NEGR1: variants seen among roughly 807,000 people sequenced by gnomAD.
NEGR1 encodes the protein neuronal growth regulator 1, also known as IgLON family member 4.
NEGR1 carries 10 observed loss-of-function variants against 40.9 expected under a neutral mutation model. The ratio of observed to expected loss-of-function variants is 0.24; its 90% confidence interval spans 0.15 to 0.42. NEGR1 has a LOEUF of 0.42. NEGR1 is among the 10% of genes least tolerant of loss of function. The pLI is 1.00. For missense variants in NEGR1, 352 were observed against 438.9 expected (o/e 0.80, Z 1.77); for synonymous variants, 185 against 166.8 (o/e 1.11, Z -0.84).
chr1:71,999,387 T>TC (rs914124543), intron 1 of NEGR1, among the ~76,000 whole-genome samples: 2 of 151,644 alleles, frequency 1.3e-5, no homozygotes, highest in Admixed American at 1.3e-4. Context: ...ACATTACCTT[T>TC]CCCCACCCAT....
intron 2 of NEGR1, among the ~76,000 whole-genome samples, chr1:71,879,127 C>T (rs1316593706): frequency 7.3e-6 from 1 of 136,110 alleles, no homozygotes; most frequent in Non-Finnish European, 1.6e-5. Flanking sequence ...GAGTGAAACT[C>T]TGTCTCGAAA....
At chr1:71,794,457 C>CA (rs1657242319) in intron 2 of NEGR1, 4 of 151,894 alleles carry the variant, frequency 2.6e-5, no homozygotes, top group Admixed American at 2.6e-4. Context: ...AACAGACACA[C>CA]ACAGGTTTTG....
chr1:71,771,597 G>T (rs1350293246), intron 3 of NEGR1, among the ~76,000 whole-genome samples: 1 of 147,510 alleles, frequency 6.8e-6, no homozygotes, highest in South Asian at 2.2e-4. Context: ...CTACCCGGAG[G>T]CTGAGACAGG....
chr1:71,728,864 G>A (rs934948915), intron 3 of NEGR1, among the ~76,000 whole-genome samples: 2 of 152,118 alleles, frequency 1.3e-5, no homozygotes, highest in Non-Finnish European at 1.5e-5. Context: ...GTCCACCTGG[G>A]AGGGAAATTT....
intron 1 of NEGR1, among the ~76,000 whole-genome samples, chr1:72,038,763 C>A (rs1006897761): frequency 1.3e-5 from 2 of 151,864 alleles, no homozygotes; most frequent in Non-Finnish European, 2.9e-5. Flanking sequence ...CTCCATGAAT[C>A]ACCATATTTT....
chr1:71,934,459 A>G (rs1645885192), intron 2 of NEGR1, among the ~76,000 whole-genome samples: 1 of 152,200 alleles, frequency 6.6e-6, no homozygotes, highest in African/African-American at 2.4e-5. Flanking sequence ...ATATTTAAAT[A>G]AAGAAATCCT....
Position 71,688,410 on chromosome 1 carries a change from T to TATATAAAAGATAC in NEGR1, c.667+9597_667+9598insGTATCTTTTATAT, listed in dbSNP as rs1240659397. The stretch of plus-strand genomic sequence containing the variant: ...ATATATAAAATATATATATAAGATA[T>TATATAAAAGATAC]ATATAAAAGATATATATATAAAAGA... On this transcript the variant is annotated intron_variant, in intron 4 of 6. Transcript: ENST00000357731. Among the ~76,000 whole-genome samples, 5 of 128,982 alleles carry TATATAAAAGATAC rather than the reference T, an allele frequency of 3.9e-5. No homozygotes were observed. In the East Asian group the frequency reaches 1.1e-3, roughly 27 times the overall value. 84.6% of individuals were successfully genotyped at this position (128,982 alleles called of 152,430 possible). A position where few individuals can be genotyped will look rare whatever the true frequency, so the allele number is the denominator to read the frequency against.
At chr1:71,762,287 A>AG (rs1655973931) in intron 3 of NEGR1, among the ~76,000 whole-genome samples, 2 of 151,970 alleles carry the variant, frequency 1.3e-5, no homozygotes, top group Non-Finnish European at 2.9e-5. Context: ...CAGAAAAAGA[A>AG]AAAAGAAAAA....
At chr1:71,497,009 G>T (rs1369279220) in intron 6 of NEGR1, among the ~76,000 whole-genome samples, 1 of 152,112 alleles carries the variant, frequency 6.6e-6, no homozygotes, top group Non-Finnish European at 1.5e-5. Flanking sequence ...TGAAACATTA[G>T]CATTTATGAA....
chr1:71,796,547 G>T (rs184018200), intron 2 of NEGR1, among the ~76,000 whole-genome samples: 43 of 152,278 alleles, frequency 2.8e-4, no homozygotes, highest in Admixed American at 9.8e-4. Context: ...ATAGCCTGTG[G>T]TGACCAAGGT....
intron 6 of NEGR1, among the ~76,000 whole-genome samples, chr1:71,585,499 C>T (rs1344868856): frequency 6.6e-6 from 1 of 151,976 alleles, no homozygotes; most frequent in African/African-American, 2.4e-5. Flanking sequence ...CATAAGCAAG[C>T]CATATTTCAA....
At position 71,723,521 on chromosome 1, in the gene NEGR1, C is replaced by T. The variant is rs553581695; in HGVS notation, c.536-25382G>A. On this transcript the variant is annotated intron_variant, in intron 3 of 6. Coordinates refer to ENST00000357731, the MANE Select transcript of NEGR1 (RefSeq NM_173808.3). ...CCTGTGTAATAAAACATTCATAAAA[C>T]CCCCTATCCAACAGGGCTCAGGGAG... 3.9e-5 allele frequency among the ~76,000 whole-genome samples: 6 copies of T among 152,190 alleles called. No homozygotes were observed. In the South Asian group the frequency reaches 1.0e-3, roughly 26 times the overall value.
intron 2 of NEGR1, among the ~76,000 whole-genome samples, chr1:71,815,332 G>T (rs1466967582): frequency 3.3e-5 from 5 of 152,068 alleles, no homozygotes; most frequent in African/African-American, 7.2e-5. Flanking sequence ...CCACTTATGT[G>T]ATTGATTTTA....
chr1:71,914,944 T>C (rs1445668085), intron 2 of NEGR1, among the ~76,000 whole-genome samples: 1 of 152,208 alleles, frequency 6.6e-6, no homozygotes, highest in Non-Finnish European at 1.5e-5. Flanking sequence ...CTTGTGTTCT[T>C]ATTTTTGCTA....
intron 1 of NEGR1, among the ~76,000 whole-genome samples, chr1:71,985,671 C>A (rs1209322318): frequency 6.6e-6 from 1 of 152,134 alleles, no homozygotes; most frequent in African/African-American, 2.4e-5. Context: ...TATATGTACA[C>A]AATTTTATGA....
chr1:72,277,766 T>C (rs1473658447), intron 1 of NEGR1, among the ~76,000 whole-genome samples: 1 of 152,136 alleles, frequency 6.6e-6, no homozygotes, highest in African/African-American at 2.4e-5. Flanking sequence ...AATAGTGCCT[T>C]AATGTCCTAA....
intron 1 of NEGR1, among the ~76,000 whole-genome samples, chr1:72,141,778 G>C (rs1447313247): frequency 6.6e-5 from 10 of 151,912 alleles, no homozygotes; most frequent in Admixed American, 6.6e-4. Flanking sequence ...TTGGGCTGAA[G>C]GACAAAAGCA....
intron 1 of NEGR1, among the ~76,000 whole-genome samples, chr1:72,097,593 AC>A (rs1648751289): frequency 6.6e-6 from 1 of 152,178 alleles, no homozygotes; most frequent in African/African-American, 2.4e-5. Context: ...AACGTTAACC[AC>A]TAAGCAAAAT....
intron 4 of NEGR1, among the ~76,000 whole-genome samples, chr1:71,640,372 T>A (rs1228193503): frequency 6.6e-6 from 1 of 152,032 alleles, no homozygotes; most frequent in Non-Finnish European, 1.5e-5. Flanking sequence ...AAAGGATGCA[T>A]TGATATCTCA....
Sources: allele counts gnomAD v4.1 joint callset (sites outside exome capture counted in the v4.1 genomes callset), GRCh38; gene constraint gnomAD v4.1.1; transcripts MANE v1.5; gene names NCBI Gene and HGNC (gene_info 2026-07-23, HGNC 2026-07-21).